The following BTNL3 variants were observed in gnomAD, a reference collection of about 807,000 sequenced individuals.
The protein encoded by BTNL3 is butyrophilin like 3.
BTNL3 carries 20 observed loss-of-function variants against 40.1 expected under a neutral mutation model. That is an observed-to-expected ratio of 0.50 (90% CI 0.35 to 0.72). The LOEUF (loss-of-function observed/expected upper bound fraction) is 0.72, where lower values mean the gene tolerates loss of function less well. Ranked by LOEUF, BTNL3 falls within the 30% of genes least tolerant of loss-of-function variation. The probability of loss-of-function intolerance (pLI) is 0.01; values close to 1 mark genes in which losing one functional copy is unlikely to be tolerated. For missense variants in BTNL3, 449 were observed against 582.2 expected, an observed-to-expected ratio of 0.77 and a Z score of 2.35; for synonymous variants, 179 against 222.1, an observed-to-expected ratio of 0.81 and a Z score of 1.73.
rs1267684030 is a variant in BTNL3 at position 181,002,384 on chromosome 5, A to G, written c.674-288A>G. ...CACACACACGTGTGTGTGTATATATATATATATATATATATATATGAAATC... is the reference window on the plus strand; with the variant it reads ...CACACACACGTGTGTGTGTATATATGTATATATATATATATATATGAAATC... On this transcript the variant is annotated intron_variant, in intron 3 of 7. Coordinates refer to ENST00000342868, the MANE Select transcript of BTNL3 (RefSeq NM_197975.3). Among the ~76,000 whole-genome samples, 8 of 111,524 alleles carry G rather than the reference A, an allele frequency of 7.2e-5. 1 individual carries two copies. The highest frequency in any genetic ancestry group is 4.2e-4 in the Admixed American group (4 of 9,632). The allele number at this position is 111,524 out of a possible 152,430, so 73.2% of individuals were successfully genotyped here.
At chr5:180,991,415 A>G (rs1759969999) in intron 1 of BTNL3, among the ~76,000 whole-genome samples, 1 of 137,062 alleles carries the variant, frequency 7.3e-6, no homozygotes, top group African/African-American at 2.5e-5. Context: ...ATGTGAATGA[A>G]TCAAGAGACA....
chr5:181,005,205 G>A (rs1031322002), intron 7 of BTNL3, 129 bp from the exon 8 acceptor site: 1 of 1,499,116 alleles, frequency 6.7e-7, no homozygotes, highest in Non-Finnish European at 9.0e-7. Flanking sequence ...AAGGTACATG[G>A]CTGGTGGGAT....
chr5:180,997,393 T>C lies in BTNL3; in HGVS notation c.578T>C (p.Ile193Thr). Residue 193 changes from isoleucine (I) to threonine (T), a missense_variant, in exon 3 of 8, where the codon ATC (isoleucine) becomes ACC (threonine). By Grantham distance (89) the Ile-to-Thr change is moderately conservative. Transcript: ENST00000342868. ...GGGTACAGCCTGTATGATGTGGAGA[T>C]CTCCATTATAGTCCAGGAAAATGCT... is the stretch of plus-strand genomic sequence containing the variant. ...ADGYSLYDVE[I>T]SIIVQENAGS... is the part of the protein sequence containing the mutation. The C allele has an allele frequency of 6.8e-7, 1 of 1,463,642 alleles. No homozygotes were observed. The highest frequency in any genetic ancestry group is 2.4e-5 in the East Asian group (1 of 41,004). The allele number at this position is 1,463,642 out of a possible 1,614,324, so 90.7% of individuals were successfully genotyped here.
Position 180,993,102 on chromosome 5 carries a change from G to A in BTNL3, c.339G>A (p.Gly113=), listed in dbSNP as rs1179870167. ...NITPSDIGLY[G]CWFSSQIYDE... ...CTCCCTCGGACATCGGCCTGTATGG[G>A]TGCTGGTTCAGTTCCCAGATTTACG... Residue 113 remains glycine (G), a synonymous_variant, in exon 2 of 8, where the codon GGG becomes GGA. Coordinates refer to ENST00000342868, the MANE Select transcript of BTNL3 (RefSeq NM_197975.3). 4 of 1,451,572 alleles carry A rather than the reference G, an allele frequency of 2.8e-6. 2 individuals carry two copies. Among genetic ancestry groups the A allele is most frequent in the Non-Finnish European group, 3.8e-6 (4 of 1,052,476 alleles). 89.9% of individuals were successfully genotyped at this position (1,451,572 alleles called of 1,614,324 possible).
In BTNL3 at chr5:180,989,002, G is replaced by A; in HGVS notation, c.-27G>A. 3 of 1,441,234 alleles carry A rather than the reference G, an allele frequency of 2.1e-6. 1 individual carries two copies. Among genetic ancestry groups the A allele is most frequent in the Non-Finnish European group, 2.9e-6 (3 of 1,047,308 alleles). The allele number at this position is 1,441,234 out of a possible 1,614,324, so 89.3% of individuals were successfully genotyped here. A position where few individuals can be genotyped will look rare whatever the true frequency, so the allele number is the denominator to read the frequency against. ...ACCCCTGCTGTCATCTGTTTTCATA[G>A]TGTGAGATCAACCCACAGGAATATC... On this transcript the variant is annotated 5_prime_UTR_variant, in exon 1 of 8. The change creates a new upstream start codon in the 5' untranslated region. Coordinates refer to ENST00000342868, the MANE Select transcript of BTNL3 (RefSeq NM_197975.3).
In BTNL3 at chr5:181,006,311, G is replaced by A. The variant is rs1410906863; in HGVS notation, c.*439G>A. 4 of 314,594 alleles carry A rather than the reference G, an allele frequency of 1.3e-5. No individual in the cohort carries two copies. Among genetic ancestry groups the A allele is most frequent in the Non-Finnish European group, 2.3e-5 (4 of 174,118 alleles). 19.5% of individuals were successfully genotyped at this position (314,594 alleles called of 1,614,324 possible). A position where few individuals can be genotyped will look rare whatever the true frequency, so the allele number is the denominator to read the frequency against. On this transcript the variant is annotated 3_prime_UTR_variant, in exon 8 of 8. Coordinates refer to ENST00000342868, the MANE Select transcript of BTNL3 (RefSeq NM_197975.3). ...GTTTGAGGGCACAGTGTTTGCTAATGATGTGTTTTTATATTATACATTTTC... is the reference window on the plus strand; with the variant it reads ...GTTTGAGGGCACAGTGTTTGCTAATAATGTGTTTTTATATTATACATTTTC...
rs892648786 is a variant in BTNL3 at position 181,005,940 on chromosome 5, C to T, written c.*68C>T. 36 of 1,465,352 alleles carry T rather than the reference C, an allele frequency of 2.5e-5. No individual in the cohort carries two copies. The South Asian group carries it at 2.9e-4, about 12-fold the overall frequency. The allele number at this position is 1,465,352 out of a possible 1,614,324, so 90.8% of individuals were successfully genotyped here. Reference sequence around the variant, plus strand: ...AGACACAGCCAAGGGAGAGTGCTCCCGACAGGTGGCCCCAGCTTCCTCTCC... The same window carrying T: ...AGACACAGCCAAGGGAGAGTGCTCCTGACAGGTGGCCCCAGCTTCCTCTCC... On this transcript the variant is annotated 3_prime_UTR_variant, in exon 8 of 8. Coordinates refer to ENST00000342868, the MANE Select transcript of BTNL3 (RefSeq NM_197975.3).
In BTNL3 at chr5:180,988,868, T is replaced by A; in HGVS notation, c.-161T>A. ...CCCATACTCCTCATTCATACAGCCA[T>A]GTTTAGGGAGGCTCTAGGGAGAAAT... On this transcript the variant is annotated 5_prime_UTR_variant, in exon 1 of 8. An upstream start codon of the reference 5' UTR is lost. Coordinates refer to ENST00000342868, the MANE Select transcript of BTNL3 (RefSeq NM_197975.3). 4 of 836,370 alleles carry A rather than the reference T, an allele frequency of 4.8e-6. No individual in the cohort carries two copies. The highest frequency in any genetic ancestry group is 3.2e-5 in the East Asian group (1 of 31,288). 51.8% of individuals were successfully genotyped at this position (836,370 alleles called of 1,614,324 possible).
intron 3 of BTNL3, among the ~76,000 whole-genome samples, chr5:180,999,267 G>A (rs1760074909): frequency 7.3e-6 from 1 of 136,398 alleles, no homozygotes; most frequent in Non-Finnish European, 1.7e-5. Flanking sequence ...TAGAAATATG[G>A]AAATATAAAG....
chr5:180,988,918 G>A lies in BTNL3; in HGVS notation c.-111G>A, dbSNP rs1759935804. On this transcript the variant is annotated 5_prime_UTR_variant, in exon 1 of 8. Coordinates refer to ENST00000342868, the MANE Select transcript of BTNL3 (RefSeq NM_197975.3). ...TGCACAGTTTGACATCGTTCATGAA[G>A]AGCCTCTCCACGGCTCCTGCGCCTG... 8.4e-7 allele frequency: 1 copy of A among 1,193,088 alleles called. No individual in the cohort carries two copies. The highest frequency in any genetic ancestry group is 2.9e-5 in the Admixed American group (1 of 34,526). The allele number at this position is 1,193,088 out of a possible 1,614,324, so 73.9% of individuals were successfully genotyped here.
At chr5:181,001,186 T>C (rs2113084295) in intron 3 of BTNL3, among the ~76,000 whole-genome samples, 1 of 137,220 alleles carries the variant, frequency 7.3e-6, no homozygotes, top group African/African-American at 2.5e-5. Context: ...AAAACTAAAA[T>C]AAGAGAACAA....
At chr5:181,004,178 A>G (rs1233588120) in intron 5 of BTNL3, among the ~76,000 whole-genome samples, 1 of 151,564 alleles carries the variant, frequency 6.6e-6, no homozygotes, top group East Asian at 1.9e-4. Context: ...TCTGGGCCAC[A>G]GTGAGGAACC....
Position 180,993,113 on chromosome 5 carries a change from G to T in BTNL3, c.350G>T (p.Ser117Ile), listed in dbSNP as rs1378425880. The change falls in exon 2 of 8, where the codon AGT becomes ATT. Residue 117 changes from serine to isoleucine, a missense_variant. Transcript: ENST00000342868. ...ATCGGCCTGTATGGGTGCTGGTTCAGTTCCCAGATTTACGATGAGGAGGCC... is the reference window on the plus strand; with the variant it reads ...ATCGGCCTGTATGGGTGCTGGTTCATTTCCCAGATTTACGATGAGGAGGCC... ...SDIGLYGCWFSSQIYDEEATW... is the reference protein window; with the variant it reads ...SDIGLYGCWFISQIYDEEATW... The T allele has an allele frequency of 1.4e-6, 2 of 1,449,734 alleles. 1 individual carries two copies. The allele number at this position is 1,449,734 out of a possible 1,614,324, so 89.8% of individuals were successfully genotyped here.
chr5:180,992,238 TA>T (rs932738219), intron 1 of BTNL3, among the ~76,000 whole-genome samples: 7 of 136,370 alleles, frequency 5.1e-5, no homozygotes, highest in African/African-American at 1.8e-4. Context: ...GAAGTCTACT[TA>T]AAAAAAAGAA....
In BTNL3 at chr5:180,997,279, T is replaced by G; in HGVS notation, c.464T>G (p.Leu155Arg). ...GACGGAGGTATCCAGTTACTCTGCC[T>G]GTCCTCAGGCTGGTTCCCCCAGCCC... ...YVDGGIQLLC[L>R]SSGWFPQPTA... Residue 155 changes from leucine to arginine, a missense_variant, in exon 3 of 8, where the codon CTG (leucine) becomes CGG (arginine). This residue lies in a region of BTNL3 where 323 missense variants were observed against 464.9 expected (regional missense o/e 0.69). Transcript: ENST00000342868. The G allele has an allele frequency of 6.8e-7, 1 of 1,464,740 alleles. No individual in the cohort carries two copies. Among genetic ancestry groups the G allele is most frequent in the Non-Finnish European group, 9.4e-7 (1 of 1,059,506 alleles). 90.7% of individuals were successfully genotyped at this position (1,464,740 alleles called of 1,614,324 possible).
rs1322666124 is a variant in BTNL3 at position 181,003,849 on chromosome 5, G to A, written c.788-7G>A. ...GTCCACCACTGAATATACTGTTTCTGTTTCAGGGAAAATCCAGGCGGAACT... is the reference window on the plus strand; with the variant it reads ...GTCCACCACTGAATATACTGTTTCTATTTCAGGGAAAATCCAGGCGGAACT... On this transcript the variant is annotated splice_polypyrimidine_tract_variant and splice_region_variant and intron_variant, in intron 4 of 7. Coordinates refer to ENST00000342868, the MANE Select transcript of BTNL3 (RefSeq NM_197975.3). The A allele has an allele frequency of 1.2e-6, 2 of 1,614,134 alleles. No individual in the cohort carries two copies. Among genetic ancestry groups the A allele is most frequent in the Non-Finnish European group, 1.7e-6 (2 of 1,180,028 alleles).
Position 180,995,924 on chromosome 5 carries a change from A to T in BTNL3, c.398-1289A>T, listed in dbSNP as rs1324291459. Among the ~76,000 whole-genome samples, 2 of 134,784 alleles carry T rather than the reference A, an allele frequency of 1.5e-5. 1 individual carries two copies. Among genetic ancestry groups the T allele is most frequent in the Non-Finnish European group, 3.4e-5 (2 of 59,060 alleles). The allele number at this position is 134,784 out of a possible 152,430, so 88.4% of individuals were successfully genotyped here. On this transcript the variant is annotated intron_variant, in intron 2 of 7. Coordinates refer to ENST00000342868, the MANE Select transcript of BTNL3 (RefSeq NM_197975.3). ...GCTTGCCGCATTTCTAGGGTTTATG[A>T]TTTTACTTAGAGAAAGGAGCAAGGA... is the stretch of plus-strand genomic sequence containing the variant.
intron 2 of BTNL3, among the ~76,000 whole-genome samples, chr5:180,994,107 T>C (rs1044690722): frequency 7.3e-6 from 1 of 137,748 alleles, no homozygotes; most frequent in African/African-American, 2.5e-5. Context: ...CCAGCACATA[T>C]GTGATTGTTA....
rs764823723 is a variant in BTNL3, at chr5:180,997,191, T to A, written c.398-22T>A. ...GCTTGAAATTTGGTCTTTGCTTTCATCTTTCCCTGTTTTCTTCCCAGCACT... is the reference window on the plus strand; with the variant it reads ...GCTTGAAATTTGGTCTTTGCTTTCAACTTTCCCTGTTTTCTTCCCAGCACT... On this transcript the variant is annotated intron_variant, in intron 2 of 7. Transcript: ENST00000342868. 5 of 1,463,842 alleles carry A rather than the reference T, an allele frequency of 3.4e-6. No individual in the cohort carries two copies. The South Asian group carries it at 5.6e-5, about 16-fold the overall frequency. 90.7% of individuals were successfully genotyped at this position (1,463,842 alleles called of 1,614,324 possible).
Sources: allele counts gnomAD v4.1 joint callset (sites outside exome capture counted in the v4.1 genomes callset), GRCh38; gene constraint gnomAD v4.1.1; regional missense constraint gnomAD v4.1.1; transcripts MANE v1.5; gene names NCBI Gene and HGNC (gene_info 2026-07-23, HGNC 2026-07-21).